Variants in NUP93 observed in about 807,000 individuals in gnomAD.
NUP93 encodes the protein nucleoporin 93.
In NUP93, 55 loss-of-function variants were observed where a neutral mutation model predicts 107.8. The observed-to-expected ratio is 0.51, with a 90% CI of 0.41 to 0.64. The LOEUF (loss-of-function observed/expected upper bound fraction) is 0.64, where lower values mean the gene tolerates loss of function less well. Ranked by LOEUF, NUP93 falls within the 30% of genes least tolerant of loss-of-function variation. The pLI, the probability that NUP93 is intolerant of heterozygous loss-of-function variation, is 0.00. For missense variants in NUP93, 937 were observed against 1,044.7 expected, an observed-to-expected ratio of 0.90 and a Z score of 1.42; for synonymous variants, 390 against 397.5, an observed-to-expected ratio of 0.98 and a Z score of 0.22.
At chr16:56,758,400 TG>T in intron 2 of NUP93, 137 bp from the exon 3 acceptor site, 1 of 666,650 alleles carries the variant, frequency 1.5e-6, no homozygotes. Context: ...AAAACAACTA[TG>T]TAAAAGTGTC....
chr16:56,778,208 T>C (rs1444954886), intron 3 of NUP93, among the ~76,000 whole-genome samples: 1 of 152,184 alleles, frequency 6.6e-6, no homozygotes, highest in African/African-American at 2.4e-5. Flanking sequence ...AAAGACTCCC[T>C]GGAGCAGATG....
chr16:56,782,124 A>G, intron 3 of NUP93: 1 of 985,320 alleles, frequency 1.0e-6, no homozygotes, highest in Non-Finnish European at 1.2e-6. Context: ...ACTGGTTCCG[A>G]CAGAGCTCAT....
rs562019499 is a variant in NUP93 at position 56,756,299 on chromosome 16, C to T, written c.180-2239C>T. Among the ~76,000 whole-genome samples, 8 of 66,226 alleles carry T rather than the reference C, an allele frequency of 1.2e-4. 1 individual carries two copies. Among genetic ancestry groups the T allele is most frequent in the Non-Finnish European group, 2.4e-4 (7 of 29,224 alleles). The allele number at this position is 66,226 out of a possible 152,430, so 43.4% of individuals were successfully genotyped here. ...CCTAATGCTCTCTCTCTCCTTGCCC[C>T]CCCCCCCCCCGACAGGCTCCTATGT... On this transcript the variant is annotated intron_variant, in intron 2 of 21. Transcript: ENST00000308159.
intron 5 of NUP93, among the ~76,000 whole-genome samples, chr16:56,810,958 G>T (rs976102881): frequency 5.3e-5 from 8 of 152,158 alleles, no homozygotes; most frequent in Admixed American, 5.2e-4. Context: ...ATTATTGCAT[G>T]TACTTTTAAG....
At chr16:56,730,572 C>T (rs1227854824) in intron 1 of NUP93, among the ~76,000 whole-genome samples, 1 of 152,226 alleles carries the variant, frequency 6.6e-6, no homozygotes, top group East Asian at 1.9e-4. Context: ...AACGCCCCGC[C>T]TGCTTACCTT....
intron 12 of NUP93, among the ~76,000 whole-genome samples, 167 bp downstream of exon 12, chr16:56,832,555 A>T (rs1963817484): frequency 6.6e-6 from 1 of 152,212 alleles, no homozygotes; most frequent in Non-Finnish European, 1.5e-5. Context: ...AATTCAAATA[A>T]AGGGCATGTG....
Position 56,830,680 on chromosome 16 carries a change from C to T in NUP93, c.1080C>T (p.Asp360=), listed in dbSNP as rs1202860005. The T allele has an allele frequency of 6.4e-7, 1 of 1,572,332 alleles. No homozygotes were observed. Residue 360 remains aspartate (D), a synonymous_variant, in exon 10 of 22, where the codon GAC becomes GAT. Coordinates refer to ENST00000308159, the MANE Select transcript of NUP93 (RefSeq NM_014669.5). ...TWFQEYMNSK[D]RRLSPATENK... is the part of the protein sequence containing the mutation. Reference sequence around the variant, plus strand: ...TCCAGGAGTACATGAACAGCAAGGACAGAAGGTATGGTGAATGAGGTGGCA... The same window carrying T: ...TCCAGGAGTACATGAACAGCAAGGATAGAAGGTATGGTGAATGAGGTGGCA...
intron 5 of NUP93, among the ~76,000 whole-genome samples, chr16:56,806,558 G>A (rs985312917): frequency 1.3e-5 from 2 of 152,152 alleles, no homozygotes; most frequent in Admixed American, 1.3e-4. Flanking sequence ...CTAGACGCAA[G>A]GAGCATCTAC....
chr16:56,821,256 T>A (rs1228500574), intron 6 of NUP93, among the ~76,000 whole-genome samples: 1 of 152,158 alleles, frequency 6.6e-6, no homozygotes, highest in African/African-American at 2.4e-5. Flanking sequence ...CAGACCTGCC[T>A]GTGGTTCTTC....
In NUP93 at chr16:56,844,667, C is replaced by A; in HGVS notation, c.*58C>A. ...ACTGTCAGTACATCAGGCACATGGG[C>A]CCACTAGGCTGGGGTTTCTGGTTTT... On this transcript the variant is annotated 3_prime_UTR_variant, in exon 22 of 22. Coordinates refer to ENST00000308159, the MANE Select transcript of NUP93 (RefSeq NM_014669.5). The A allele has an allele frequency of 1.9e-6, 2 of 1,063,282 alleles. No homozygotes were observed. The highest frequency in any genetic ancestry group is 2.7e-6 in the Non-Finnish European group (2 of 735,814). The allele number at this position is 1,063,282 out of a possible 1,614,324, so 65.9% of individuals were successfully genotyped here.
At chr16:56,813,501 A>G (rs1205268143) in intron 5 of NUP93, among the ~76,000 whole-genome samples, 2 of 152,196 alleles carry the variant, frequency 1.3e-5, no homozygotes, top group Non-Finnish European at 2.9e-5. Context: ...GTTCAGGTAT[A>G]GAAAGTGCTC....
chr16:56,799,981 G>A (rs1363751384), intron 4 of NUP93, among the ~76,000 whole-genome samples: 1 of 152,180 alleles, frequency 6.6e-6, no homozygotes, highest in Non-Finnish European at 1.5e-5. Context: ...TCAGGAGTTC[G>A]AGACCAGCCC....
chr16:56,775,628 A>G (rs1308876823), intron 3 of NUP93, among the ~76,000 whole-genome samples: 4 of 152,238 alleles, frequency 2.6e-5, no homozygotes, highest in African/African-American at 9.6e-5. Context: ...CATTGTTTTT[A>G]AAACCATTTG....
At chr16:56,738,537 C>G (rs1486519227) in intron 1 of NUP93, among the ~76,000 whole-genome samples, 3 of 152,146 alleles carry the variant, frequency 2.0e-5, no homozygotes, top group Non-Finnish European at 4.4e-5. Flanking sequence ...CAGAACTCTA[C>G]CTTTTGAATA....
intron 13 of NUP93, among the ~76,000 whole-genome samples, chr16:56,833,843 A>C (rs1285252715): frequency 2.0e-5 from 3 of 152,140 alleles, no homozygotes; most frequent in Non-Finnish European, 4.4e-5. Context: ...TGTTGCAGCA[A>C]AGTCATCCCA....
chr16:56,752,740 C>T (rs960738899), intron 2 of NUP93, among the ~76,000 whole-genome samples: 1 of 152,110 alleles, frequency 6.6e-6, no homozygotes, highest in African/African-American at 2.4e-5. Context: ...ATCACACTTG[C>T]AATTTCAGAA....
intron 3 of NUP93, among the ~76,000 whole-genome samples, chr16:56,763,873 C>T (rs1962173437): frequency 6.6e-6 from 1 of 151,900 alleles, no homozygotes; most frequent in South Asian, 2.1e-4. Flanking sequence ...AAAAAAAAGA[C>T]TCTGTTCTGA....
chr16:56,827,069 A>ATT (rs1299742901), intron 8 of NUP93, among the ~76,000 whole-genome samples: 2 of 125,728 alleles, frequency 1.6e-5, no homozygotes, highest in Non-Finnish European at 3.4e-5. Flanking sequence ...AAAAAAAAAA[A>ATT]TTTTGTTGAG....
At chr16:56,749,581 A>G (rs1216208906) in intron 2 of NUP93, among the ~76,000 whole-genome samples, 3 of 152,204 alleles carry the variant, frequency 2.0e-5, no homozygotes, top group Non-Finnish European at 4.4e-5. Context: ...CTTGAACTTG[A>G]GAAAGAACTA....
Sources: allele counts gnomAD v4.1 joint callset (sites outside exome capture counted in the v4.1 genomes callset), GRCh38; gene constraint gnomAD v4.1.1; transcripts MANE v1.5; gene names NCBI Gene and HGNC (gene_info 2026-07-23, HGNC 2026-07-21).